Variants in SLC37A3 observed in about 807,000 individuals in gnomAD.
SLC37A3 encodes the protein solute carrier family 37 member 3.
Under a neutral mutation model 67.1 loss-of-function variants are expected in SLC37A3, and 51 were observed. The observed-to-expected ratio is 0.76, with a 90% CI of 0.61 to 0.96. SLC37A3 has a LOEUF of 0.96. Ranked by LOEUF, SLC37A3 falls within the 40% of genes least tolerant of loss-of-function variation. The pLI is 0.00. For missense variants in SLC37A3, 508 were observed against 603.0 expected (o/e 0.84, Z 1.65); for synonymous variants, 214 against 231.4 (o/e 0.92, Z 0.68).
chr7:140,373,785 C>T (rs767019662), intron 3 of SLC37A3, among the ~76,000 whole-genome samples: 37 of 151,232 alleles, frequency 2.4e-4, no homozygotes, highest in Middle Eastern at 3.2e-3. Context: ...GGACTACAGA[C>T]ACACTCCACC....
At chr7:140,390,502 G>A (rs202098992) in intron 1 of SLC37A3, among the ~76,000 whole-genome samples, 1 of 152,032 alleles carries the variant, frequency 6.6e-6, no homozygotes, top group Admixed American at 6.6e-5. Flanking sequence ...CCCCAAGGCC[G>A]TTTCTGGGCC....
In SLC37A3 at chr7:140,355,694, A is replaced by C; in HGVS notation, c.592T>G (p.Ser198Ala). 6.2e-7 allele frequency: 1 copy of C among 1,614,038 alleles called. No individual in the cohort carries two copies. The highest frequency in any genetic ancestry group is 1.1e-5 in the South Asian group (1 of 91,078). ...TCATAACCATACTGAAGAACAGAAGAAGCTAGGCACGCTCCCAAAATGTTG... is the reference window on the plus strand; with the variant it reads ...TCATAACCATACTGAAGAACAGAAGCAGCTAGGCACGCTCCCAAAATGTTG... ...VGNILGACLA[S>A]SVLQYGYEYA... The change falls in exon 7 of 15, where the codon TCT (serine) becomes GCT (alanine). Residue 198 changes from serine (S) to alanine (A), a missense_variant. Ser to Ala is a moderately conservative substitution (Grantham distance 99). Transcript: ENST00000326232.
At chr7:140,394,647 C>T (rs1276787698) in intron 1 of SLC37A3, among the ~76,000 whole-genome samples, 7 of 146,936 alleles carry the variant, frequency 4.8e-5, no homozygotes, top group African/African-American at 7.4e-5. Context: ...CTCGCTCTGT[C>T]GCCCAGGCTG....
chr7:140,387,757 ATATAT>A (rs1272606807), intron 1 of SLC37A3, among the ~76,000 whole-genome samples: 5 of 74,520 alleles, frequency 6.7e-5, no homozygotes, highest in Non-Finnish European at 9.5e-5. Context: ...ATAAATATAA[ATATAT>A]TATATATATT....
chr7:140,352,701 G>A (rs906944411), intron 7 of SLC37A3, among the ~76,000 whole-genome samples: 2 of 152,132 alleles, frequency 1.3e-5, no homozygotes, highest in African/African-American at 2.4e-5. Flanking sequence ...CACACGGTAA[G>A]CAAAGACACA....
intron 10 of SLC37A3, 191 bp downstream of exon 10, chr7:140,348,435 C>G (rs1796656054): frequency 1.7e-6 from 1 of 596,810 alleles, no homozygotes; most frequent in Non-Finnish European, 2.6e-6. Context: ...TTCTATGGAC[C>G]TCTTGTTTTT....
chr7:140,354,873 A>C (rs1164908636), intron 7 of SLC37A3, among the ~76,000 whole-genome samples: 1 of 151,598 alleles, frequency 6.6e-6, no homozygotes, highest in Non-Finnish European at 1.5e-5. Flanking sequence ...CCTCCTGAAT[A>C]GCAGAGACTA....
At chr7:140,344,951 G>A (rs548841241) in intron 12 of SLC37A3, among the ~76,000 whole-genome samples, 3 of 152,180 alleles carry the variant, frequency 2.0e-5, no homozygotes, top group Non-Finnish European at 4.4e-5. Context: ...ACTTTTAGAG[G>A]TAAGAGCAGA....
At chr7:140,395,157 C>T (rs1363297913) in intron 1 of SLC37A3, among the ~76,000 whole-genome samples, 1 of 151,560 alleles carries the variant, frequency 6.6e-6, no homozygotes, top group East Asian at 2.0e-4. Context: ...GCAGGTGGAT[C>T]ACGAGGTTAG....
chr7:140,348,376 G>GA (rs369736528), intron 10 of SLC37A3: 130 of 335,594 alleles, frequency 3.9e-4, no homozygotes, highest in African/African-American at 2.5e-3. Flanking sequence ...AAAGGACTAA[G>GA]AAAAAAGAGT....
chr7:140,343,752 G>A (rs545258659), intron 12 of SLC37A3, 189 bp from the exon 13 acceptor site: 28 of 577,430 alleles, frequency 4.8e-5, no homozygotes, highest in South Asian at 1.3e-4. Flanking sequence ...ATCCCTTCTC[G>A]AATTATGTGA....
chr7:140,386,057 A>G (rs1798437193), intron 1 of SLC37A3, among the ~76,000 whole-genome samples: 2 of 152,110 alleles, frequency 1.3e-5, no homozygotes, highest in South Asian at 4.1e-4. Context: ...TGCTGGCATC[A>G]CAGGTGTGAG....
intron 3 of SLC37A3, chr7:140,379,572 CA>C (rs1216177533): frequency 6.6e-6 from 1 of 151,426 alleles, no homozygotes; most frequent in African/African-American, 2.4e-5. Context: ...AGGGAAAAAT[CA>C]GAAGTTGGGA....
At chr7:140,362,964 A>G (rs868620410) in intron 5 of SLC37A3, among the ~76,000 whole-genome samples, 399 of 37,354 alleles carry the variant, frequency 0.011, 3 homozygotes, top group Non-Finnish European at 0.013. Context: ...CCCCCCGCCC[A>G]GCCGGCCGCC....
At chr7:140,340,785 G>A (rs1290841094) in intron 13 of SLC37A3, among the ~76,000 whole-genome samples, 1 of 152,076 alleles carries the variant, frequency 6.6e-6, no homozygotes, top group Admixed American at 6.6e-5. Flanking sequence ...ACAAAAATTA[G>A]CTGGGCATGG....
intron 5 of SLC37A3, 82 bp downstream of exon 5, chr7:140,364,322 CTATT>C: frequency 8.2e-7 from 1 of 1,214,492 alleles, no homozygotes; most frequent in South Asian, 1.4e-5. Context: ...ATTAATCTTA[CTATT>C]CTATTCTACA....
chr7:140,358,894 A>C, intron 5 of SLC37A3, 109 bp from the exon 6 acceptor site: 2 of 1,364,168 alleles, frequency 1.5e-6, no homozygotes, highest in Non-Finnish European at 1.0e-6. Flanking sequence ...GGATACACTC[A>C]CACAGCCAGT....
At chr7:140,381,908 G>T (rs1241274461) in intron 2 of SLC37A3, among the ~76,000 whole-genome samples, 1 of 151,442 alleles carries the variant, frequency 6.6e-6, no homozygotes, top group East Asian at 1.9e-4. Context: ...CAGCTACTCG[G>T]GAGGCTGAGG....
intron 8 of SLC37A3, 29 bp downstream of exon 8, chr7:140,352,033 T>C (rs1796827225): frequency 6.3e-7 from 1 of 1,591,276 alleles, no homozygotes; most frequent in African/African-American, 1.3e-5. Context: ...AGTAAGACAT[T>C]CGGAATAGAA....
Sources: allele counts gnomAD v4.1 joint callset (sites outside exome capture counted in the v4.1 genomes callset), GRCh38; gene constraint gnomAD v4.1.1; transcripts MANE v1.5; gene names NCBI Gene and HGNC (gene_info 2026-07-23, HGNC 2026-07-21).